CDH12: variants seen among roughly 807,000 people sequenced by gnomAD.
CDH12 encodes the protein cadherin-12.
In CDH12, 41 loss-of-function variants were observed where a neutral mutation model predicts 74.1. That is an observed-to-expected ratio of 0.55 (90% CI 0.43 to 0.72). The LOEUF (loss-of-function observed/expected upper bound fraction) is 0.72, where lower values mean the gene tolerates loss of function less well. CDH12 is among the 30% of genes least tolerant of loss of function. The probability of loss-of-function intolerance (pLI) is 0.00; values close to 1 mark genes in which losing one functional copy is unlikely to be tolerated. For synonymous variants in CDH12, 399 were observed against 355.0 expected (o/e 1.12, Z -1.39); for missense variants, 945 against 977.2 (o/e 0.97, Z 0.44).
rs138504561 is a variant in CDH12 at position 22,036,089 on chromosome 5, C to T, written c.231+42357G>A. The stretch of plus-strand genomic sequence containing the variant: ...ATTATGCATTTGTGAAAAAAAGCAC[C>T]TTAGATGGTATGATTGCTGCACTGA... On this transcript the variant is annotated intron_variant, in intron 5 of 14. Coordinates refer to ENST00000382254, the MANE Select transcript of CDH12 (RefSeq NM_004061.5). Among the ~76,000 whole-genome samples, 1,077 of 152,216 alleles carry T rather than the reference C, an allele frequency of 7.1e-3. 14 individuals are homozygous for T. Among genetic ancestry groups the T allele is most frequent in the African/African-American group, 0.025 (1,022 of 41,520 alleles).
At chr5:22,072,652 C>T (rs1016236666) in intron 5 of CDH12, among the ~76,000 whole-genome samples, 6 of 151,406 alleles carry the variant, frequency 4.0e-5, no homozygotes, top group Non-Finnish European at 7.4e-5. Context: ...TATACATGTG[C>T]CATGTTGGTG....
intron 1 of CDH12, among the ~76,000 whole-genome samples, chr5:22,548,723 A>C (rs1439693518): frequency 1.3e-5 from 2 of 151,938 alleles, no homozygotes; most frequent in African/African-American, 2.4e-5. Flanking sequence ...GGAGAAGGTA[A>C]ATCATTATCC....
At chr5:21,797,069 T>TGA (rs1746822012) in intron 10 of CDH12, among the ~76,000 whole-genome samples, 1 of 151,726 alleles carries the variant, frequency 6.6e-6, no homozygotes, top group African/African-American at 2.4e-5. Context: ...GGCCAAAGGG[T>TGA]GAGAGTAAGG....
At chr5:22,374,363 G>C (rs1310554180) in intron 3 of CDH12, among the ~76,000 whole-genome samples, 4 of 152,062 alleles carry the variant, frequency 2.6e-5, no homozygotes, top group Admixed American at 6.6e-5. Flanking sequence ...ACATTGAATG[G>C]GGAAAAGCTG....
chr5:22,438,682 C>G (rs1744504344), intron 2 of CDH12, among the ~76,000 whole-genome samples: 1 of 151,884 alleles, frequency 6.6e-6, no homozygotes, highest in African/African-American at 2.4e-5. Flanking sequence ...GCAGAATTTT[C>G]CCATCTTTGC....
At chr5:21,778,643 T>G (rs576475072) in intron 11 of CDH12, among the ~76,000 whole-genome samples, 1 of 152,052 alleles carries the variant, frequency 6.6e-6, no homozygotes, top group Admixed American at 6.6e-5. Flanking sequence ...GAATTCAGCA[T>G]AATTTGCACA....
chr5:22,257,524 G>C (rs1450586947), intron 3 of CDH12, among the ~76,000 whole-genome samples: 1 of 150,710 alleles, frequency 6.6e-6, no homozygotes, highest in Non-Finnish European at 1.5e-5. Flanking sequence ...TTTTGAGACA[G>C]AGTCTCGCTC....
At chr5:22,597,042 CTCTT>C (rs1238899800) in intron 1 of CDH12, among the ~76,000 whole-genome samples, 1 of 152,146 alleles carries the variant, frequency 6.6e-6, no homozygotes, top group African/African-American at 2.4e-5. Flanking sequence ...CGCTGGATTA[CTCTT>C]TCTATTAAAA....
intron 4 of CDH12, among the ~76,000 whole-genome samples, chr5:22,117,479 T>TATATATATAATATATATATTATATATATA (rs1561128882): frequency 3.6e-5 from 2 of 55,054 alleles, no homozygotes; most frequent in African/African-American, 1.4e-4. Context: ...ATATATATAT[T>TATATATATAATATATATATTATATATATA]ATATATATAT....
At chr5:22,809,006 G>A (rs910382532) in intron 1 of CDH12, among the ~76,000 whole-genome samples, 2 of 151,568 alleles carry the variant, frequency 1.3e-5, no homozygotes, top group Non-Finnish European at 2.9e-5. Flanking sequence ...AAAGCAAGTA[G>A]CTGTATTTTG....
At chr5:22,244,399 G>A (rs1197449488) in intron 3 of CDH12, among the ~76,000 whole-genome samples, 1 of 147,198 alleles carries the variant, frequency 6.8e-6, no homozygotes, top group Non-Finnish European at 1.5e-5. Context: ...GGAGGATGAG[G>A]CACAATAATC....
intron 10 of CDH12, among the ~76,000 whole-genome samples, chr5:21,785,521 T>C (rs1029912105): frequency 6.6e-6 from 1 of 152,182 alleles, no homozygotes; most frequent in Non-Finnish European, 1.5e-5. Flanking sequence ...AAATTGAAAG[T>C]GCTACTCCAG....
At chr5:22,283,522 C>T (rs1737009851) in intron 3 of CDH12, among the ~76,000 whole-genome samples, 1 of 151,556 alleles carries the variant, frequency 6.6e-6, no homozygotes, top group African/African-American at 2.4e-5. Context: ...AACAGAAAGG[C>T]AAATACTGAT....
chr5:22,105,219 G>A (rs1744360600), intron 4 of CDH12, among the ~76,000 whole-genome samples: 1 of 151,718 alleles, frequency 6.6e-6, no homozygotes, highest in Non-Finnish European at 1.5e-5. Flanking sequence ...AGCCTCCCGA[G>A]TAACTGGGAT....
intron 3 of CDH12, among the ~76,000 whole-genome samples, chr5:22,297,991 T>C (rs1737703900): frequency 6.6e-6 from 1 of 151,878 alleles, no homozygotes; most frequent in South Asian, 2.1e-4. Flanking sequence ...CTTATATTTA[T>C]AAATGCCAGC....
chr5:21,899,533 G>T (rs1402089971), intron 6 of CDH12, among the ~76,000 whole-genome samples: 5 of 152,070 alleles, frequency 3.3e-5, no homozygotes, highest in African/African-American at 1.2e-4. Context: ...AGGAGAGAAG[G>T]AGAAATCTCA....
chr5:22,671,064 C>A lies in CDH12; in HGVS notation c.-522-165700G>T, dbSNP rs542817710. ...ATATAATGACAAAACTATAACAGAA[C>A]TTTAGTTTTTATTCACAAATAATTT... On this transcript the variant is annotated intron_variant, in intron 1 of 14. Coordinates refer to ENST00000382254, the MANE Select transcript of CDH12 (RefSeq NM_004061.5). Among the ~76,000 whole-genome samples, 4 of 151,608 alleles carry A rather than the reference C, an allele frequency of 2.6e-5. No individual in the cohort carries two copies. The East Asian group carries it at 7.8e-4, about 29-fold the overall frequency.
chr5:22,616,187 G>C lies in CDH12; in HGVS notation c.-522-110823C>G, dbSNP rs111666742. Among the ~76,000 whole-genome samples, 702 of 152,142 alleles carry C rather than the reference G, an allele frequency of 4.6e-3. 8 individuals are homozygous for C. Among genetic ancestry groups the C allele is most frequent in the African/African-American group, 0.016 (675 of 41,526 alleles). On this transcript the variant is annotated intron_variant, in intron 1 of 14. Coordinates refer to ENST00000382254, the MANE Select transcript of CDH12 (RefSeq NM_004061.5). ...TCAACTGTACTGTTCATTTCAACAA[G>C]TCAATGTCATGGAAAATAAAGGAGA...
intron 3 of CDH12, among the ~76,000 whole-genome samples, chr5:22,230,658 A>G (rs1752351580): frequency 6.6e-6 from 1 of 151,578 alleles, no homozygotes; most frequent in Admixed American, 6.6e-5. Context: ...TTTAATAGAG[A>G]CGGGGTTTCA....
Sources: gnomAD v4.1 joint callset for allele counts (sites outside exome capture counted in the v4.1 genomes callset) on GRCh38, gnomAD v4.1.1 for gene constraint, MANE v1.5 for transcripts, NCBI Gene and HGNC (gene_info 2026-07-23, HGNC 2026-07-21) for gene names.